The following MAPK9 variants were observed in gnomAD, a reference collection of about 807,000 sequenced individuals.
The protein encoded by MAPK9 is mitogen-activated protein kinase 9.
In MAPK9, 30 loss-of-function variants were observed where a neutral mutation model predicts 57.1. That is an observed-to-expected ratio of 0.53 (90% confidence interval 0.39 to 0.71). The LOEUF (loss-of-function observed/expected upper bound fraction) is 0.71. MAPK9 is among the 30% of genes least tolerant of loss of function. MAPK9 has a pLI of 0.00. For synonymous variants in MAPK9, 155 were observed against 177.0 expected (o/e 0.88, Z 0.99); for missense variants, 362 against 521.0 (o/e 0.69, Z 2.97).
At chr5:180,282,327 G>A (rs557776402) in intron 1 of MAPK9, among the ~76,000 whole-genome samples, 5 of 152,346 alleles carry the variant, frequency 3.3e-5, no homozygotes, top group Non-Finnish European at 1.5e-5. Context: ...GGTAAGTATA[G>A]CAAAAGATAT....
chr5:180,248,052 C>A (rs55756747), intron 6 of MAPK9: 160,336 of 742,902 alleles, frequency 0.22, 19,770 homozygotes, highest in Non-Finnish European at 0.26. Context: ...GTTGTTGATA[C>A]CACACCTCCT....
At chr5:180,253,291 C>CT (rs1395187322) in intron 5 of MAPK9, among the ~76,000 whole-genome samples, 3 of 152,232 alleles carry the variant, frequency 2.0e-5, no homozygotes, top group African/African-American at 7.2e-5. Context: ...TCGCACAGGC[C>CT]TCCTCCCGGC....
At chr5:180,289,430 A>G (rs1763042550) in intron 1 of MAPK9, among the ~76,000 whole-genome samples, 1 of 152,162 alleles carries the variant, frequency 6.6e-6, no homozygotes, top group Non-Finnish European at 1.5e-5. Context: ...AAAAAGTTAA[A>G]TGGAGGAAAA....
At chr5:180,239,262 C>T (rs565626528) in intron 10 of MAPK9, among the ~76,000 whole-genome samples, 23 of 152,372 alleles carry the variant, frequency 1.5e-4, no homozygotes, top group African/African-American at 5.5e-4. Context: ...CATAAACCAA[C>T]ATTAGCACGT....
At chr5:180,290,032 A>AT (rs1324162087) in intron 1 of MAPK9, among the ~76,000 whole-genome samples, 1 of 36,320 alleles carries the variant, frequency 2.8e-5, no homozygotes, top group African/African-American at 1.7e-4. Context: ...ATTTCTTAAA[A>AT]TTTTTTGTAG....
chr5:180,265,681 A>C (rs2127599726), intron 3 of MAPK9, among the ~76,000 whole-genome samples: 1 of 152,334 alleles, frequency 6.6e-6, no homozygotes, highest in South Asian at 2.1e-4. Context: ...CAGTGCGGGA[A>C]CGAACCAGTA....
chr5:180,269,634 T>C (rs1761066394), intron 2 of MAPK9, among the ~76,000 whole-genome samples: 2 of 152,134 alleles, frequency 1.3e-5, no homozygotes, highest in Admixed American at 6.5e-5. Flanking sequence ...TAAGATGGGG[T>C]TCAGCAATCC....
chr5:180,269,732 C>A (rs186594576), intron 2 of MAPK9, among the ~76,000 whole-genome samples: 1 of 152,302 alleles, frequency 6.6e-6, no homozygotes, highest in East Asian at 1.9e-4. Context: ...GAAATGAAAT[C>A]TTCAGTTTAA....
At position 180,249,057 on chromosome 5, in the gene MAPK9, T is replaced by C. The variant is rs767574099; in HGVS notation, c.532A>G (p.Thr178Ala). ...LDFGLARTAC[T>A]NFMMTPYVVT... is the part of the protein sequence containing the mutation. ...ACGTAAGGGGTCATCATGAAGTTAGTGCACGCTGTCCGGGCCAGGCCAAAG... is the reference window on the plus strand; with the variant it reads ...ACGTAAGGGGTCATCATGAAGTTAGCGCACGCTGTCCGGGCCAGGCCAAAG... The change falls in exon 6 of 12, where the codon ACT becomes GCT. Residue 178 changes from threonine (T) to alanine (A), a missense_variant. Physicochemically the swap from Thr to Ala is moderately conservative, Grantham distance 58 (BLOSUM62 0). Around this residue, in one of 3 missense-constraint regions of MAPK9, gnomAD observed 127 missense variants for 231.7 expected, o/e 0.55. Coordinates refer to ENST00000452135, the MANE Select transcript of MAPK9 (RefSeq NM_002752.5). 1.1e-5 allele frequency: 18 copies of C among 1,614,028 alleles called. No individual in the cohort carries two copies. Among genetic ancestry groups the C allele is most frequent in the Non-Finnish European group, 1.4e-5 (17 of 1,180,012 alleles).
intron 5 of MAPK9, 81 bp from the exon 6 acceptor site, chr5:180,249,219 C>T: frequency 7.5e-7 from 1 of 1,340,340 alleles, no homozygotes; most frequent in Non-Finnish European, 1.0e-6. Flanking sequence ...GGTCGTGAAG[C>T]CAGTGTGAGA....
intron 9 of MAPK9, 24 bp downstream of exon 9, chr5:180,241,007 A>C: frequency 3.1e-6 from 5 of 1,607,444 alleles, no homozygotes; most frequent in Non-Finnish European, 2.5e-6. Context: ...TCTCTATATA[A>C]ATCTTTTCAA....
intron 4 of MAPK9, chr5:180,263,225 C>T (rs920521913): frequency 7.2e-5 from 11 of 152,188 alleles, no homozygotes; most frequent in African/African-American, 2.4e-4. Flanking sequence ...ATTCTCAATT[C>T]CTCTCTCTCA....
chr5:180,269,982 GAACT>G (rs1761102423), intron 2 of MAPK9, among the ~76,000 whole-genome samples: 1 of 152,138 alleles, frequency 6.6e-6, no homozygotes. Flanking sequence ...AGTTCTTTTA[GAACT>G]ATCTCCTCCT....
intron 5 of MAPK9, among the ~76,000 whole-genome samples, chr5:180,258,862 T>TAA (rs531705510): frequency 0.077 from 7,402 of 95,886 alleles, 433 homozygotes; most frequent in Middle Eastern, 0.12. Context: ...CTGTCTCTAC[T>TAA]AAAAAAAAAA....
At chr5:180,269,129 A>AAAAAAAC (rs1219838569) in intron 3 of MAPK9, 151 bp downstream of exon 3, 4 of 852,998 alleles carry the variant, frequency 4.7e-6, no homozygotes, top group African/African-American at 3.4e-5. Context: ...ACAAAAAAAC[A>AAAAAAAC]AAAAAACAAA....
chr5:180,279,839 T>A (rs1173712739), intron 2 of MAPK9: 1 of 456,456 alleles, frequency 2.2e-6, no homozygotes, highest in Non-Finnish European at 4.4e-6. Flanking sequence ...CGTCTTACCA[T>A]GCAAGAGACT....
At chr5:180,268,603 G>A (rs35105695) in intron 3 of MAPK9, among the ~76,000 whole-genome samples, 331 of 152,240 alleles carry the variant, frequency 2.2e-3, no homozygotes, top group African/African-American at 6.9e-3. Context: ...TGAGGCTGGC[G>A]GACCATGAGG....
In MAPK9 at chr5:180,247,805, C is replaced by T. The variant is rs369651342; in HGVS notation, c.617-295G>A. The T allele has an allele frequency of 1.3e-4, 198 of 1,572,030 alleles. No individual in the cohort carries two copies. The African/African-American group carries it at 2.2e-3, about 17-fold the overall frequency. The stretch of plus-strand genomic sequence containing the variant: ...GAACACAAAGCTTTTCAGGGCCACA[C>T]GCCCACCCCAGCCTCCATGGCCAAG... On this transcript the variant is annotated intron_variant, in intron 6 of 11. Transcript: ENST00000452135. The surrounding 1 kb of genome is among the most constrained non-coding windows in gnomAD (Gnocchi z 4.5).
chr5:180,245,202 GT>G (rs1757989600), intron 7 of MAPK9, among the ~76,000 whole-genome samples: 1 of 152,148 alleles, frequency 6.6e-6, no homozygotes, highest in Non-Finnish European at 1.5e-5. Context: ...AAATTCCACT[GT>G]CTAACAGACA....
Sources: allele counts gnomAD v4.1 joint callset (sites outside exome capture counted in the v4.1 genomes callset), GRCh38; gene constraint gnomAD v4.1.1; regional missense constraint gnomAD v4.1.1; non-coding constraint Gnocchi (gnomAD v3.1); transcripts MANE v1.5; gene names NCBI Gene and HGNC (gene_info 2026-07-23, HGNC 2026-07-21).